The following PRKG2 variants were observed in gnomAD, a reference collection of about 807,000 sequenced individuals.
PRKG2 encodes the protein cGMP-dependent protein kinase 2.
A neutral mutation model predicts 97.2 loss-of-function variants in PRKG2; 33 were observed. The observed-to-expected ratio is 0.34, with a 90% CI of 0.26 to 0.45. PRKG2 has a LOEUF of 0.45. Ranked by LOEUF, PRKG2 falls within the 20% of genes least tolerant of loss-of-function variation. The pLI, the probability that PRKG2 is intolerant of heterozygous loss-of-function variation, is 1.00. For missense variants in PRKG2, 638 were observed against 900.0 expected (o/e 0.71, Z 3.73); for synonymous variants, 330 against 321.8 (o/e 1.03, Z -0.27).
Position 81,151,957 on chromosome 4 carries a change from C to T in PRKG2, c.1085+3G>A, listed in dbSNP as rs1173544562. 19 of 1,596,544 alleles carry T rather than the reference C, an allele frequency of 1.2e-5. No homozygotes were observed. In the East Asian group the frequency reaches 4.0e-4, roughly 34 times the overall value. On this transcript the variant is annotated splice_donor_region_variant and intron_variant, in intron 8 of 18. Transcript: ENST00000264399. ...AAGTATGGCATATAATTCATGAATT[C>T]ACCTGATAAGAGCTTTTTCTCCAAA...
intron 6 of PRKG2, among the ~76,000 whole-genome samples, chr4:81,156,306 A>G (rs916652458): frequency 6.6e-6 from 1 of 152,106 alleles, no homozygotes; most frequent in African/African-American, 2.4e-5. Context: ...CAGACTTTAA[A>G]CCGACAAAGA....
Position 81,110,588 on chromosome 4 carries a change from T to G in PRKG2, c.1800A>C (p.Lys600Asn), listed in dbSNP as rs1337369957. The stretch of plus-strand genomic sequence containing the variant: ...TCCATGTTTTCTGTCCAGACCCTAT[T>G]TTCTTCGCAAATCCAAAGTCAACCT... The part of the protein sequence containing the change: ...LKLVDFGFAK[K>N]IGSGQKTWTF... Residue 600 changes from lysine to asparagine, a missense_variant, in exon 15 of 19, where the codon AAA becomes AAC. Lys to Asn is a moderately conservative substitution (Grantham distance 94). Around this residue, in one of 3 missense-constraint regions of PRKG2, gnomAD observed 304 missense variants for 460.5 expected, o/e 0.66. Coordinates refer to ENST00000264399, the MANE Select transcript of PRKG2 (RefSeq NM_006259.3). 2 of 1,613,762 alleles carry G rather than the reference T, an allele frequency of 1.2e-6. No homozygotes were observed. The highest frequency in any genetic ancestry group is 3.3e-5 in the Admixed American group (2 of 59,958).
At chr4:81,114,322 G>GA (rs200260020) in intron 14 of PRKG2, among the ~76,000 whole-genome samples, 13,370 of 140,806 alleles carry the variant, frequency 0.095, 705 homozygotes, top group Middle Eastern at 0.21. Context: ...TGTGTTTGGT[G>GA]AAAAAAAAAA....
intron 11 of PRKG2, among the ~76,000 whole-genome samples, chr4:81,142,578 A>T (rs1445328568): frequency 6.6e-6 from 1 of 152,184 alleles, no homozygotes; most frequent in East Asian, 1.9e-4. Flanking sequence ...ACGTGATGTA[A>T]GCTTGAACTA....
At chr4:81,155,806 A>G (rs1749028895) in intron 6 of PRKG2, among the ~76,000 whole-genome samples, 1 of 152,116 alleles carries the variant, frequency 6.6e-6, no homozygotes, top group Non-Finnish European at 1.5e-5. Flanking sequence ...TTTTCAACCC[A>G]GAATTTCATA....
intron 6 of PRKG2, among the ~76,000 whole-genome samples, chr4:81,156,456 C>T (rs1397301763): frequency 1.3e-5 from 2 of 152,104 alleles, no homozygotes; most frequent in Non-Finnish European, 2.9e-5. Context: ...TGCAAAGAGA[C>T]TTAGACTCCC....
At chr4:81,092,485 G>GAAGGAAGA in intron 17 of PRKG2, 33 bp from the exon 18 acceptor site, 1 of 960,868 alleles carries the variant, frequency 1.0e-6, no homozygotes, top group Non-Finnish European at 1.6e-6. Context: ...AGGAAGGAAG[G>GAAGGAAGA]AAGGAAGGAA....
chr4:81,186,169 A>T (rs1358844781), intron 2 of PRKG2, among the ~76,000 whole-genome samples: 1 of 152,230 alleles, frequency 6.6e-6, no homozygotes, highest in East Asian at 1.9e-4. Context: ...CAGAATATAC[A>T]TTCTTCTCAG....
At chr4:81,147,165 C>A (rs548424250) in intron 9 of PRKG2, among the ~76,000 whole-genome samples, 18 of 152,042 alleles carry the variant, frequency 1.2e-4, no homozygotes, top group Non-Finnish European at 2.4e-4. Flanking sequence ...ATTATTGCAT[C>A]CTCTTTATGG....
At position 81,140,560 on chromosome 4, in the gene PRKG2, T is replaced by C. The variant is rs1747179882; in HGVS notation, c.1517A>G (p.Glu506Gly). ...CACAATGAATGGAGAGCACAGCTCC[T>C]CTAGGATCCTCTTCTCTGAGTAGAC... is the stretch of plus-strand genomic sequence containing the variant. ...EHVYSEKRIL[E>G]ELCSPFIVKL... The change falls in exon 12 of 19, where the codon GAG becomes GGG. Residue 506 changes from glutamate to glycine, a missense_variant. By Grantham distance (98) the Glu-to-Gly change is moderately conservative. Around this residue, in one of 3 missense-constraint regions of PRKG2, gnomAD observed 304 missense variants for 460.5 expected, o/e 0.66. Transcript: ENST00000264399. 6.2e-7 allele frequency: 1 copy of C among 1,609,346 alleles called. No homozygotes were observed.
chr4:81,152,077 A>G (rs1419218382), intron 7 of PRKG2, 23 bp from the exon 8 acceptor site: 1 of 1,550,854 alleles, frequency 6.4e-7, no homozygotes, highest in Non-Finnish European at 8.9e-7. Flanking sequence ...AAGCAATACA[A>G]ACAGAAAGAG....
At chr4:81,193,755 G>A (rs1023529955) in intron 2 of PRKG2, among the ~76,000 whole-genome samples, 7 of 152,136 alleles carry the variant, frequency 4.6e-5, no homozygotes, top group African/African-American at 1.2e-4. Context: ...CAGGAGAATC[G>A]CTTGAGCCCA....
chr4:81,139,609 T>TA (rs1747058075), intron 12 of PRKG2, among the ~76,000 whole-genome samples: 1 of 135,308 alleles, frequency 7.4e-6, no homozygotes, highest in African/African-American at 3.1e-5. Context: ...CTACTAAAAA[T>TA]AGAAAAAAAA....
At chr4:81,180,503 T>G (rs1012176093) in intron 2 of PRKG2, among the ~76,000 whole-genome samples, 2 of 152,124 alleles carry the variant, frequency 1.3e-5, no homozygotes, top group African/African-American at 2.4e-5. Flanking sequence ...TACAGGAAAG[T>G]AGACCTTAAT....
intron 12 of PRKG2, 97 bp downstream of exon 12, chr4:81,140,436 C>A: frequency 9.1e-7 from 1 of 1,098,582 alleles, no homozygotes; most frequent in Non-Finnish European, 1.2e-6. Context: ...TACTATGTAC[C>A]CACAAAAATT....
intron 2 of PRKG2, among the ~76,000 whole-genome samples, chr4:81,202,310 T>C (rs1647661296): frequency 6.6e-6 from 1 of 152,198 alleles, no homozygotes; most frequent in Admixed American, 6.5e-5. Context: ...TTGAAAAATT[T>C]TAAATTTCTG....
intron 17 of PRKG2, among the ~76,000 whole-genome samples, chr4:81,103,266 C>A (rs1392391553): frequency 6.6e-6 from 1 of 152,112 alleles, no homozygotes; most frequent in African/African-American, 2.4e-5. Flanking sequence ...CCCATTAACT[C>A]ATCATTTACA....
intron 2 of PRKG2, among the ~76,000 whole-genome samples, chr4:81,199,443 T>A (rs888540792): frequency 1.3e-5 from 2 of 152,160 alleles, no homozygotes; most frequent in Non-Finnish European, 2.9e-5. Context: ...TCTATAGGAA[T>A]GAATAGAGCA....
chr4:81,186,052 TAGAC>T (rs1275272579), intron 2 of PRKG2, among the ~76,000 whole-genome samples: 1 of 152,080 alleles, frequency 6.6e-6, no homozygotes, highest in Non-Finnish European at 1.5e-5. Context: ...CTGTCAATAT[TAGAC>T]AGATCAACAA....
Sources: gnomAD v4.1 joint callset for allele counts (sites outside exome capture counted in the v4.1 genomes callset) on GRCh38, gnomAD v4.1.1 for gene constraint, gnomAD v4.1.1 regional missense constraint, MANE v1.5 for transcripts, NCBI Gene and HGNC (gene_info 2026-07-23, HGNC 2026-07-21) for gene names.